Variants in RALYL observed in about 807,000 individuals in gnomAD.
The protein encoded by RALYL is RALY RNA binding protein like.
A neutral mutation model predicts 35.1 loss-of-function variants in RALYL; 29 were observed. The observed-to-expected ratio is 0.83, with a 90% CI of 0.61 to 1.13. The LOEUF is 1.13. Among genes scored for constraint, RALYL ranks in the 50% most tolerant of loss-of-function variants. The pLI, the probability that RALYL is intolerant of heterozygous loss-of-function variation, is 0.00. For synonymous variants in RALYL, 120 were observed against 127.6 expected (o/e 0.94, Z 0.40); for missense variants, 359 against 360.4 (o/e 1.00, Z 0.03).
intron 1 of RALYL, among the ~76,000 whole-genome samples, chr8:84,397,139 G>A (rs2131891779): frequency 6.6e-6 from 1 of 152,216 alleles, no homozygotes; most frequent in South Asian, 2.1e-4. Context: ...GGGGTGATGT[G>A]CCTTGAAAAT....
intron 2 of RALYL, among the ~76,000 whole-genome samples, chr8:84,546,337 C>A (rs2060357018): frequency 6.6e-6 from 1 of 152,108 alleles, no homozygotes; most frequent in Non-Finnish European, 1.5e-5. Flanking sequence ...CCATGCTGGT[C>A]TCAAACTGCT....
chr8:84,851,074 C>T (rs1835759615), intron 5 of RALYL, among the ~76,000 whole-genome samples: 1 of 152,164 alleles, frequency 6.6e-6, no homozygotes, highest in Non-Finnish European at 1.5e-5. Flanking sequence ...AGTATTATCA[C>T]TCTTCGATTC....
At chr8:84,792,988 T>C (rs1277086778) in intron 3 of RALYL, among the ~76,000 whole-genome samples, 1 of 152,152 alleles carries the variant, frequency 6.6e-6, no homozygotes, top group Admixed American at 6.5e-5. Flanking sequence ...TCCAAGGTTT[T>C]TGGACCAAGC....
chr8:84,184,872 A>C, intron 1 of RALYL: 2 of 1,148,278 alleles, frequency 1.7e-6, no homozygotes, highest in Non-Finnish European at 2.6e-6. Flanking sequence ...TGGGGGTAGA[A>C]GCGGCAGAGA....
intron 1 of RALYL, among the ~76,000 whole-genome samples, chr8:84,457,185 T>C (rs369985935): frequency 6.6e-6 from 1 of 151,964 alleles, no homozygotes. Flanking sequence ...GTATTTGCTC[T>C]GCATTAACAA....
At chr8:84,653,031 T>A (rs1829174160) in intron 2 of RALYL, among the ~76,000 whole-genome samples, 1 of 152,120 alleles carries the variant, frequency 6.6e-6, no homozygotes, top group African/African-American at 2.4e-5. Context: ...TGCATAAATC[T>A]CACTGTGTAT....
intron 2 of RALYL, among the ~76,000 whole-genome samples, chr8:84,638,871 AATATATATATATATATATATATATATAT>A (rs71273908): frequency 5.8e-5 from 5 of 86,278 alleles, no homozygotes; most frequent in Admixed American, 1.2e-4. Context: ...TGCACGCATA[AATATATATATATATATATATATATATAT>A]ATATATATAT....
intron 4 of RALYL, among the ~76,000 whole-genome samples, chr8:84,821,789 C>T (rs777900024): frequency 6.6e-6 from 1 of 152,136 alleles, no homozygotes; most frequent in Non-Finnish European, 1.5e-5. Context: ...GCAAAAGCCA[C>T]ACATCACTTA....
At chr8:84,535,475 G>A (rs1376621924) in intron 2 of RALYL, among the ~76,000 whole-genome samples, 4 of 145,094 alleles carry the variant, frequency 2.8e-5, no homozygotes, top group African/African-American at 7.7e-5. Flanking sequence ...TCGCTCTGTC[G>A]CCCAGGCTGG....
At chr8:84,342,225 CA>C (rs1488085155) in intron 1 of RALYL, among the ~76,000 whole-genome samples, 2 of 132,992 alleles carry the variant, frequency 1.5e-5, no homozygotes, top group African/African-American at 5.9e-5. Flanking sequence ...TTCACAGCAG[CA>C]AAAATTGTTA....
intron 2 of RALYL, chr8:84,679,284 G>C: frequency 4.5e-6 from 1 of 223,430 alleles, no homozygotes; most frequent in Non-Finnish European, 9.2e-6. Flanking sequence ...CATGATGCCA[G>C]TGGAGTAAAA....
chr8:84,855,012 T>G (rs1488978636), intron 5 of RALYL, among the ~76,000 whole-genome samples: 1 of 152,224 alleles, frequency 6.6e-6, no homozygotes, highest in Non-Finnish European at 1.5e-5. Flanking sequence ...CAGACTGGAT[T>G]CTGCTGATGC....
intron 3 of RALYL, among the ~76,000 whole-genome samples, chr8:84,786,948 T>C (rs2133801158): frequency 6.6e-6 from 1 of 152,232 alleles, no homozygotes; most frequent in Admixed American, 6.5e-5. Flanking sequence ...GAGAAAAAAA[T>C]AGAGCAAAAT....
At chr8:84,600,385 G>T (rs1815640201) in intron 2 of RALYL, among the ~76,000 whole-genome samples, 1 of 151,966 alleles carries the variant, frequency 6.6e-6, no homozygotes, top group East Asian at 1.9e-4. Context: ...GACATTTTTG[G>T]TTTATGCTAG....
intron 1 of RALYL, among the ~76,000 whole-genome samples, chr8:84,295,264 A>G (rs1041347711): frequency 6.6e-6 from 1 of 152,096 alleles, no homozygotes; most frequent in African/African-American, 2.4e-5. Flanking sequence ...TGAAGCAGCA[A>G]GATAAGGATT....
intron 1 of RALYL, among the ~76,000 whole-genome samples, chr8:84,311,872 A>T (rs917086973): frequency 6.6e-6 from 1 of 152,192 alleles, no homozygotes; most frequent in Admixed American, 6.5e-5. Context: ...GAACAAATAC[A>T]TCAAGGAATT....
At chr8:84,586,528 T>C (rs966932554) in intron 2 of RALYL, among the ~76,000 whole-genome samples, 1 of 152,206 alleles carries the variant, frequency 6.6e-6, no homozygotes, top group Admixed American at 6.5e-5. Flanking sequence ...ATAGAAAGTC[T>C]TCTGTAATTT....
chr8:84,652,454 G>C lies in RALYL; in HGVS notation c.257-122125G>C, dbSNP rs1347804752. ...ATAGTTTTATGCTGCTATGGCCTTA[G>C]AGTAACTTCACCCAGGAAAGTATTA... On this transcript the variant is annotated intron_variant, in intron 2 of 8. Coordinates refer to ENST00000521268, the MANE Select transcript of RALYL (RefSeq NM_173848.7). Among the ~76,000 whole-genome samples, 5 of 152,070 alleles carry C rather than the reference G, an allele frequency of 3.3e-5. No individual in the cohort carries two copies. In the East Asian group the frequency reaches 9.7e-4, roughly 30 times the overall value.
intron 1 of RALYL, among the ~76,000 whole-genome samples, chr8:84,498,271 T>A (rs1342124700): frequency 6.6e-6 from 1 of 151,930 alleles, no homozygotes; most frequent in East Asian, 1.9e-4. Flanking sequence ...AGCTTGCGAG[T>A]TGTAGACTAT....
Sources: allele counts gnomAD v4.1 joint callset (sites outside exome capture counted in the v4.1 genomes callset), GRCh38; gene constraint gnomAD v4.1.1; transcripts MANE v1.5; gene names NCBI Gene and HGNC (gene_info 2026-07-23, HGNC 2026-07-21).